RHEX: variants seen among roughly 807,000 people sequenced by gnomAD.
The protein encoded by RHEX is regulator of hemoglobinization and erythroid cell expansion, also known as regulator of hemoglobinization and erythroid cell expansion protein.
Under a neutral mutation model 20.1 loss-of-function variants are expected in RHEX, and 18 were observed. The observed-to-expected ratio is 0.90, with a 90% CI of 0.62 to 1.33. RHEX has a LOEUF of 1.33. Among genes scored for constraint, RHEX ranks in the 40% most tolerant of loss-of-function variants. The pLI, the probability that RHEX is intolerant of heterozygous loss-of-function variation, is 0.00. For missense variants in RHEX, 192 were observed against 214.3 expected, an observed-to-expected ratio of 0.90 and a Z score of 0.65; for synonymous variants, 87 against 77.1, an observed-to-expected ratio of 1.13 and a Z score of -0.67.
chr1:206,083,529 GT>G (rs1662778157), intron 1 of RHEX: 1 of 985,452 alleles, frequency 1.0e-6, no homozygotes, highest in African/African-American at 1.7e-5. Flanking sequence ...TGAAACACTT[GT>G]GACTGACCTC....
chr1:206,053,779 A>G (rs1553282113), intron 1 of RHEX, among the ~76,000 whole-genome samples: 1 of 152,196 alleles, frequency 6.6e-6, no homozygotes, highest in East Asian at 1.9e-4. Context: ...AGGCACCCAG[A>G]CCAGTTTCCA....
intron 3 of RHEX, 116 bp from the exon 4 acceptor site, chr1:206,099,539 G>A (rs1166758583): frequency 2.2e-5 from 20 of 925,686 alleles, no homozygotes; most frequent in South Asian, 5.1e-5. Flanking sequence ...GGCTGGTCTC[G>A]AACTTGTGAC....
chr1:206,096,704 G>A (rs1468708722), intron 1 of RHEX, among the ~76,000 whole-genome samples: 1 of 149,094 alleles, frequency 6.7e-6, no homozygotes, highest in Non-Finnish European at 1.5e-5. Context: ...TCATGCTTGT[G>A]TTTTCTTTCC....
intron 2 of RHEX, 43 bp downstream of exon 2, chr1:206,097,882 C>T (rs374329755): frequency 1.3e-4 from 183 of 1,413,632 alleles, no homozygotes; most frequent in Non-Finnish European, 1.7e-4. Context: ...TCCCACCAAG[C>T]TAACTGGTGT....
chr1:206,094,756 C>A (rs191844369), intron 1 of RHEX, among the ~76,000 whole-genome samples: 1 of 152,146 alleles, frequency 6.6e-6, no homozygotes, highest in Non-Finnish European at 1.5e-5. Context: ...TACTCTGTCA[C>A]CGGGCTCTTC....
chr1:206,056,444 A>G (rs916830175), intron 1 of RHEX: 8 of 152,306 alleles, frequency 5.3e-5, no homozygotes, highest in Non-Finnish European at 1.0e-4. Context: ...TGTTTCCAGT[A>G]TATACATCAA....
chr1:206,064,082 C>T (rs563721617), intron 1 of RHEX, among the ~76,000 whole-genome samples: 6 of 149,794 alleles, frequency 4.0e-5, no homozygotes, highest in South Asian at 4.2e-4. Flanking sequence ...TGCCCAGCCG[C>T]GACCCCGTCT....
intron 1 of RHEX, among the ~76,000 whole-genome samples, chr1:206,056,115 G>A (rs28817338): frequency 7.6e-4 from 115 of 152,254 alleles, no homozygotes; most frequent in East Asian, 4.4e-3. Flanking sequence ...CCTAAACCCC[G>A]CCACCTTCCT....
At chr1:206,071,845 CCT>C (rs1662534491) in intron 1 of RHEX, among the ~76,000 whole-genome samples, 2 of 149,180 alleles carry the variant, frequency 1.3e-5, no homozygotes, top group African/African-American at 5.0e-5. Context: ...TGAGACGCCC[CCT>C]GTCCAACAAC....
intron 1 of RHEX, among the ~76,000 whole-genome samples, chr1:206,053,904 C>T (rs1231636649): frequency 2.0e-5 from 3 of 152,188 alleles, no homozygotes; most frequent in Non-Finnish European, 4.4e-5. Context: ...GAAAAAAAGG[C>T]CATCTATACC....
In RHEX at chr1:206,067,252, G is replaced by A. The variant is rs1553284257; in HGVS notation, c.-97+13987G>A. On this transcript the variant is annotated intron_variant, in intron 1 of 5. Coordinates refer to ENST00000331555, the MANE Select transcript of RHEX (RefSeq NM_001007544.4). The surrounding 1 kb of genome is among the most constrained non-coding windows in gnomAD (Gnocchi z 4.6). ...AGAGGGGTCCATTCAGTCTGTCAGA[G>A]GCATCAGATTTCATTCTGGTTCCAC... Among the ~76,000 whole-genome samples the A allele has an allele frequency of 6.6e-6, 1 of 152,156 alleles. No individual in the cohort carries two copies. The highest frequency in any genetic ancestry group is 1.5e-5 in the Non-Finnish European group (1 of 68,022).
Position 206,101,930 on chromosome 1 carries a change from AAT to A in RHEX, c.500_501del (p.Tyr167Ter). 1 of 1,613,776 alleles carries A rather than the reference AAT, an allele frequency of 6.2e-7. No individual in the cohort carries two copies. The highest frequency in any genetic ancestry group is 2.2e-5 in the East Asian group (1 of 44,884). ...AACCCTGCTCTGTCTGAGCCAGCGGAATATGATCAAGTGGCCATGTGAATTCC... is the reference window on the plus strand; with the variant it reads ...AACCCTGCTCTGTCTGAGCCAGCGGAATGATCAAGTGGCCATGTGAATTCC... On this transcript the variant is annotated frameshift_variant, in exon 6 of 6. Transcript: ENST00000331555. LOFTEE classifies it high-confidence loss of function.
At chr1:206,099,393 G>C (rs367979714) in intron 3 of RHEX, among the ~76,000 whole-genome samples, 11 of 151,158 alleles carry the variant, frequency 7.3e-5, no homozygotes, top group Admixed American at 4.0e-4. Flanking sequence ...GTCTCGGCTC[G>C]CTGCAACCTC....
At chr1:206,087,183 G>A (rs1431890524) in intron 1 of RHEX, among the ~76,000 whole-genome samples, 9 of 152,172 alleles carry the variant, frequency 5.9e-5, no homozygotes, top group South Asian at 2.1e-4. Flanking sequence ...TTGTGTGGTC[G>A]CTTTGCAGTA....
chr1:206,073,729 C>T (rs1553284912), intron 1 of RHEX, among the ~76,000 whole-genome samples: 1 of 152,172 alleles, frequency 6.6e-6, no homozygotes, highest in African/African-American at 2.4e-5. Context: ...CTGGAATTCT[C>T]TCCTTCCCAC....
At chr1:206,069,159 C>A (rs1662484315) in intron 1 of RHEX, among the ~76,000 whole-genome samples, 2 of 152,336 alleles carry the variant, frequency 1.3e-5, no homozygotes, top group Non-Finnish European at 2.9e-5. Flanking sequence ...TACCCCCATC[C>A]CAGTGAATAT....
At chr1:206,077,553 C>T (rs1226773268) in intron 1 of RHEX, among the ~76,000 whole-genome samples, 1 of 152,116 alleles carries the variant, frequency 6.6e-6, no homozygotes, top group African/African-American at 2.4e-5. Context: ...GGGAGGATGA[C>T]TTGAGGGTAG....
intron 1 of RHEX, among the ~76,000 whole-genome samples, chr1:206,064,657 G>A (rs1366626975): frequency 2.0e-5 from 3 of 148,428 alleles, no homozygotes; most frequent in South Asian, 2.1e-4. Flanking sequence ...GGAGGTGGGG[G>A]GGTCAGCCCC....
At chr1:206,070,631 C>T (rs367633772) in intron 1 of RHEX, among the ~76,000 whole-genome samples, 1 of 152,180 alleles carries the variant, frequency 6.6e-6, no homozygotes, top group Non-Finnish European at 1.5e-5. Context: ...CTTCTCGTGT[C>T]CAGTGAGGAG....
Sources: gnomAD v4.1 joint callset for allele counts (sites outside exome capture counted in the v4.1 genomes callset) on GRCh38, gnomAD v4.1.1 for gene constraint, Gnocchi (gnomAD v3.1) non-coding constraint, MANE v1.5 for transcripts, NCBI Gene and HGNC (gene_info 2026-07-23, HGNC 2026-07-21) for gene names.